NRG1: variants seen among roughly 807,000 people sequenced by gnomAD.
NRG1 encodes the protein pro-neuregulin-1, membrane-bound isoform.
NRG1 carries 18 observed loss-of-function variants against 63.8 expected under a neutral mutation model. That is an observed-to-expected ratio of 0.28 (90% CI 0.19 to 0.42). The LOEUF (loss-of-function observed/expected upper bound fraction) is 0.42, where lower values mean the gene tolerates loss of function less well. Ranked by LOEUF, NRG1 falls within the 10% of genes least tolerant of loss-of-function variation. The pLI is 1.00. For synonymous variants in NRG1, 302 were observed against 301.3 expected (o/e 1.00, Z -0.02); for missense variants, 762 against 814.7 (o/e 0.94, Z 0.79).
At chr8:32,528,270 T>C (rs1588126983) in intron 1 of NRG1, among the ~76,000 whole-genome samples, 1 of 152,264 alleles carries the variant, frequency 6.6e-6, no homozygotes, top group African/African-American at 2.4e-5. Flanking sequence ...TTACTTGTTA[T>C]GTGAGTATAA....
exon 9 of NRG1, chr8:32,756,506 C>G: frequency 6.2e-7 from 1 of 1,612,634 alleles, no homozygotes; most frequent in Admixed American, 1.7e-5. Flanking sequence ...TAACCCACCC[C>G]CCGAGAATGT....
At chr8:32,170,249 G>C (rs1164664607) in intron 1 of NRG1, among the ~76,000 whole-genome samples, 2 of 152,198 alleles carry the variant, frequency 1.3e-5, no homozygotes, top group Non-Finnish European at 2.9e-5. Flanking sequence ...CACCTTCCTA[G>C]ACCCAAGTGG....
At chr8:32,237,743 C>A (rs1411055937) in intron 1 of NRG1, among the ~76,000 whole-genome samples, 1 of 151,874 alleles carries the variant, frequency 6.6e-6, no homozygotes, top group African/African-American at 2.4e-5. Flanking sequence ...TTTCTTACTG[C>A]CTCTTTTTGG....
At chr8:32,129,486 C>T (rs558776266) in intron 1 of NRG1, among the ~76,000 whole-genome samples, 2 of 151,974 alleles carry the variant, frequency 1.3e-5, no homozygotes, top group Admixed American at 1.3e-4. Flanking sequence ...TGGCATTTTC[C>T]TCTTATAAGG....
chr8:31,746,702 C>T (rs958426170), intron 1 of NRG1, among the ~76,000 whole-genome samples: 6 of 151,924 alleles, frequency 3.9e-5, no homozygotes, highest in Admixed American at 6.6e-5. Context: ...GAGGTATCTA[C>T]GCTCTCATGC....
chr8:32,269,342 C>T (rs1851311397), intron 1 of NRG1, among the ~76,000 whole-genome samples: 1 of 152,112 alleles, frequency 6.6e-6, no homozygotes, highest in Admixed American at 6.6e-5. Flanking sequence ...TAAATTCTAG[C>T]AATTATAGAT....
intron 1 of NRG1, among the ~76,000 whole-genome samples, chr8:31,784,892 C>T (rs1820031646): frequency 6.6e-6 from 1 of 152,144 alleles, no homozygotes; most frequent in Non-Finnish European, 1.5e-5. Context: ...GAGCAGTCAC[C>T]ACGAGGAAGC....
intron 5 of NRG1, among the ~76,000 whole-genome samples, chr8:32,709,141 A>T (rs552893913): frequency 1.7e-4 from 26 of 152,260 alleles, no homozygotes; most frequent in Admixed American, 4.6e-4. Flanking sequence ...TGACATTTCT[A>T]CTCAACATTG....
intron 8 of NRG1, among the ~76,000 whole-genome samples, chr8:32,755,379 A>T (rs1485273484): frequency 1.3e-5 from 2 of 152,196 alleles, no homozygotes; most frequent in Non-Finnish European, 2.9e-5. Context: ...TGAATGTTGC[A>T]TTGAGGAAGA....
intron 1 of NRG1, among the ~76,000 whole-genome samples, chr8:32,023,326 C>T (rs1056830793): frequency 1.3e-5 from 2 of 152,128 alleles, no homozygotes; most frequent in East Asian, 3.9e-4. Flanking sequence ...CTTTAAAATA[C>T]AAAAAGTGAA....
intron 1 of NRG1, among the ~76,000 whole-genome samples, chr8:31,675,277 G>T (rs1353570172): frequency 6.6e-6 from 1 of 152,172 alleles, no homozygotes; most frequent in Non-Finnish European, 1.5e-5. Context: ...GGAGGTGGAG[G>T]TTGCAGTGAG....
chr8:32,679,725 G>A (rs1808106457), intron 5 of NRG1, among the ~76,000 whole-genome samples: 2 of 152,138 alleles, frequency 1.3e-5, no homozygotes, highest in African/African-American at 4.8e-5. Context: ...AGTTAGTAAA[G>A]GCTAAATTGC....
chr8:32,746,867 C>CTTT (rs376346951), intron 7 of NRG1, among the ~76,000 whole-genome samples: 1,556 of 127,278 alleles, frequency 0.012, 26 homozygotes, highest in African/African-American at 0.029. Context: ...GTGTATTCTG[C>CTTT]TTTTTTTTTT....
chr8:32,078,881 G>A (rs1827008649), intron 1 of NRG1, among the ~76,000 whole-genome samples: 1 of 152,096 alleles, frequency 6.6e-6, no homozygotes, highest in Non-Finnish European at 1.5e-5. Flanking sequence ...ATTCCAGCTG[G>A]CTCGCGCTAT....
chr8:32,752,232 A>G (rs1033357741), intron 7 of NRG1, among the ~76,000 whole-genome samples: 2 of 152,126 alleles, frequency 1.3e-5, no homozygotes, highest in Non-Finnish European at 2.9e-5. Flanking sequence ...CTTCTTAGAC[A>G]TGTATCCTAA....
intron 5 of NRG1, among the ~76,000 whole-genome samples, chr8:32,719,640 A>G (rs1820128733): frequency 6.6e-6 from 1 of 152,126 alleles, no homozygotes; most frequent in Non-Finnish European, 1.5e-5. Context: ...AATAAAATTC[A>G]CAACCATTTT....
chr8:31,893,002 A>T (rs1395478740), intron 1 of NRG1, among the ~76,000 whole-genome samples: 1 of 151,912 alleles, frequency 6.6e-6, no homozygotes, highest in African/African-American at 2.4e-5. Flanking sequence ...TCTAAAGAAT[A>T]TTACTTAAAT....
At chr8:32,391,144 G>A (rs1187681106) in intron 1 of NRG1, among the ~76,000 whole-genome samples, 1 of 151,786 alleles carries the variant, frequency 6.6e-6, no homozygotes, top group East Asian at 1.9e-4. Flanking sequence ...AGGGGGGCTG[G>A]TGGCAGGACA....
intron 1 of NRG1, among the ~76,000 whole-genome samples, chr8:32,470,115 C>T (rs1487307925): frequency 2.0e-5 from 3 of 150,992 alleles, no homozygotes; most frequent in Admixed American, 6.6e-5. Flanking sequence ...TCATGTGATC[C>T]GCCCGCCTCG....
Sources: allele counts gnomAD v4.1 joint callset (sites outside exome capture counted in the v4.1 genomes callset), GRCh38; gene constraint gnomAD v4.1.1; transcripts MANE v1.5; gene names NCBI Gene and HGNC (gene_info 2026-07-23, HGNC 2026-07-21).